Variants in VWA8 observed in about 807,000 individuals in gnomAD.
VWA8 encodes von Willebrand factor A domain-containing protein 8.
A neutral mutation model predicts 241.5 loss-of-function variants in VWA8; 221 were observed. The observed-to-expected ratio is 0.91, with a 90% CI of 0.82 to 1.02. The LOEUF (loss-of-function observed/expected upper bound fraction) is 1.02, where lower values mean the gene tolerates loss of function less well. Among genes scored for constraint, VWA8 ranks in the 50% least tolerant of loss-of-function variants. The probability of loss-of-function intolerance (pLI) is 0.00; values close to 1 mark genes in which losing one functional copy is unlikely to be tolerated. For missense variants in VWA8, 2,322 were observed against 2,328.7 expected (o/e 1.00, Z 0.06); for synonymous variants, 852 against 827.1 (o/e 1.03, Z -0.52).
chr13:41,850,454 T>C (rs934319592), intron 12 of VWA8, among the ~76,000 whole-genome samples: 6 of 152,086 alleles, frequency 3.9e-5, no homozygotes, highest in Non-Finnish European at 7.4e-5. Context: ...AGGACCACCA[T>C]AGTGCCACAC....
chr13:41,877,990 T>C (rs145379301), intron 9 of VWA8, among the ~76,000 whole-genome samples: 3 of 152,232 alleles, frequency 2.0e-5, no homozygotes, highest in Admixed American at 1.3e-4. Flanking sequence ...GTATTGTGAA[T>C]TCTATCTGAT....
chr13:41,894,875 T>C (rs1204548648), intron 4 of VWA8, among the ~76,000 whole-genome samples: 2 of 152,036 alleles, frequency 1.3e-5, no homozygotes, highest in Non-Finnish European at 2.9e-5. Flanking sequence ...TTCAATCAAA[T>C]CATAAGGAAA....
intron 5 of VWA8, among the ~76,000 whole-genome samples, chr13:41,889,146 A>T (rs1874692716): frequency 6.6e-6 from 1 of 152,208 alleles, no homozygotes; most frequent in African/African-American, 2.4e-5. Flanking sequence ...CTAGAAATAA[A>T]TGGGGCTTAA....
intron 12 of VWA8, among the ~76,000 whole-genome samples, chr13:41,863,427 GTGTGTGTA>G (rs1239887564): frequency 3.2e-4 from 23 of 71,130 alleles, no homozygotes; most frequent in African/African-American, 1.1e-3. Context: ...GTGTGTGTGT[GTGTGTGTA>G]TATATATATA....
At chr13:41,843,845 A>C (rs1872168060) in intron 12 of VWA8, among the ~76,000 whole-genome samples, 1 of 152,098 alleles carries the variant, frequency 6.6e-6, no homozygotes, top group South Asian at 2.1e-4. Flanking sequence ...AATCAGTAAT[A>C]AAAAACTTAC....
chr13:41,662,876 A>C (rs150083335), intron 37 of VWA8, among the ~76,000 whole-genome samples: 32 of 152,234 alleles, frequency 2.1e-4, no homozygotes, highest in African/African-American at 7.2e-4. Context: ...GATTTTACAG[A>C]TGCCCTTTAT....
At chr13:41,749,693 A>G (rs1338422496) in intron 21 of VWA8, among the ~76,000 whole-genome samples, 2 of 152,196 alleles carry the variant, frequency 1.3e-5, no homozygotes, top group Admixed American at 6.5e-5. Flanking sequence ...TGATGAGTTC[A>G]TGTCCTTCGT....
At chr13:41,610,456 A>G (rs565759814) in intron 39 of VWA8, among the ~76,000 whole-genome samples, 1 of 152,004 alleles carries the variant, frequency 6.6e-6, no homozygotes, top group African/African-American at 2.4e-5. Flanking sequence ...TGAGAGCAAC[A>G]CTCTTGCCTC....
chr13:41,800,578 G>C (rs1404487724), intron 17 of VWA8, among the ~76,000 whole-genome samples: 1 of 151,698 alleles, frequency 6.6e-6, no homozygotes, highest in African/African-American at 2.4e-5. Flanking sequence ...CATGAAGTCA[G>C]GAGATTGAAA....
At chr13:41,701,957 T>G (rs2045253035) in intron 27 of VWA8, among the ~76,000 whole-genome samples, 1 of 152,222 alleles carries the variant, frequency 6.6e-6, no homozygotes, top group African/African-American at 2.4e-5. Context: ...TACACAGAAA[T>G]GTAATGGTTA....
At chr13:41,828,634 G>A (rs1349985351) in intron 14 of VWA8, among the ~76,000 whole-genome samples, 2 of 152,166 alleles carry the variant, frequency 1.3e-5, no homozygotes, top group African/African-American at 4.8e-5. Context: ...CTGAGAAAGA[G>A]AGAGAAAATG....
chr13:41,778,262 C>T (rs1227094792), intron 19 of VWA8, among the ~76,000 whole-genome samples: 1 of 151,874 alleles, frequency 6.6e-6, no homozygotes, highest in Non-Finnish European at 1.5e-5. Flanking sequence ...TGAAATAGTC[C>T]ACCTGAGCAA....
At chr13:41,739,857 GTTTTTTTT>G (rs368778376) in intron 21 of VWA8, among the ~76,000 whole-genome samples, 1,334 of 64,496 alleles carry the variant, frequency 0.021, 30 homozygotes, top group African/African-American at 0.075. Flanking sequence ...TGTTTTTTTT[GTTTTTTTT>G]TTTTTTTGAG....
chr13:41,741,923 C>T (rs2045572181), intron 21 of VWA8, among the ~76,000 whole-genome samples: 1 of 152,096 alleles, frequency 6.6e-6, no homozygotes, highest in Non-Finnish European at 1.5e-5. Flanking sequence ...GCAATTAATC[C>T]TGATGGAAAA....
intron 4 of VWA8, among the ~76,000 whole-genome samples, chr13:41,898,205 G>A (rs561626619): frequency 6.6e-6 from 1 of 151,954 alleles, no homozygotes; most frequent in East Asian, 1.9e-4. Flanking sequence ...GGTTCTCCAA[G>A]GCCCCACCAG....
At chr13:41,756,176 C>T (rs140552049) in intron 21 of VWA8, among the ~76,000 whole-genome samples, 50 of 151,680 alleles carry the variant, frequency 3.3e-4, no homozygotes, top group East Asian at 1.9e-3. Context: ...AATAACTTTA[C>T]GCCAATAATT....
At chr13:41,894,614 G>A (rs999982091) in intron 4 of VWA8, among the ~76,000 whole-genome samples, 6 of 152,106 alleles carry the variant, frequency 3.9e-5, no homozygotes, top group African/African-American at 1.4e-4. Context: ...TAAAATTAGT[G>A]GCTAAGTATA....
intron 20 of VWA8, among the ~76,000 whole-genome samples, chr13:41,774,928 C>CT (rs143780357): frequency 0.011 from 1,640 of 152,268 alleles, 32 homozygotes; most frequent in African/African-American, 0.038. Flanking sequence ...CAGCTTATTA[C>CT]TTTTCCATGA....
intron 20 of VWA8, among the ~76,000 whole-genome samples, chr13:41,767,172 T>G (rs2045784643): frequency 6.6e-6 from 1 of 152,198 alleles, no homozygotes; most frequent in Admixed American, 6.5e-5. Flanking sequence ...GGCCGCTAAT[T>G]TCTTTGTTAG....
Sources: allele counts gnomAD v4.1 joint callset (sites outside exome capture counted in the v4.1 genomes callset), GRCh38; gene constraint gnomAD v4.1.1; transcripts MANE v1.5; gene names NCBI Gene and HGNC (gene_info 2026-07-23, HGNC 2026-07-21).